The following PRKG2 variants were observed in gnomAD, a reference collection of about 807,000 sequenced individuals.
The protein encoded by PRKG2 is protein kinase cGMP-dependent 2, also known as cGMP-dependent protein kinase 2.
Under a neutral mutation model 97.2 loss-of-function variants are expected in PRKG2, and 33 were observed. The ratio of observed to expected loss-of-function variants is 0.34; its 90% CI spans 0.26 to 0.45. The LOEUF (loss-of-function observed/expected upper bound fraction) is 0.45, where lower values mean the gene tolerates loss of function less well. Ranked by LOEUF, PRKG2 falls within the 20% of genes least tolerant of loss-of-function variation. PRKG2 has a pLI of 1.00. For synonymous variants in PRKG2, 330 were observed against 321.8 expected (o/e 1.03, Z -0.27); for missense variants, 638 against 900.0 (o/e 0.71, Z 3.73).
At chr4:81,162,885 C>A (rs1749686736) in intron 6 of PRKG2, among the ~76,000 whole-genome samples, 1 of 152,158 alleles carries the variant, frequency 6.6e-6, no homozygotes, top group Non-Finnish European at 1.5e-5. Context: ...CAATTTCAGT[C>A]CTCATTACCC....
intron 13 of PRKG2, 48 bp downstream of exon 13, chr4:81,137,345 T>C (rs763004521): frequency 2.3e-6 from 3 of 1,323,848 alleles, no homozygotes; most frequent in Admixed American, 1.9e-5. Flanking sequence ...TTAATGATTA[T>C]AAATATAGCC....
At chr4:81,143,910 T>C (rs1747547307) in intron 10 of PRKG2, among the ~76,000 whole-genome samples, 2 of 152,208 alleles carry the variant, frequency 1.3e-5, no homozygotes, top group Non-Finnish European at 2.9e-5. Flanking sequence ...TCTTTACCTC[T>C]AATCAAATAT....
At chr4:81,139,074 A>G (rs192183400) in intron 12 of PRKG2, among the ~76,000 whole-genome samples, 217 of 152,334 alleles carry the variant, frequency 1.4e-3, no homozygotes, top group Non-Finnish European at 1.8e-3. Flanking sequence ...ATATGAAAGC[A>G]TAAGATGGCT....
intron 17 of PRKG2, among the ~76,000 whole-genome samples, chr4:81,097,419 C>A (rs11937665): frequency 6.6e-6 from 1 of 151,998 alleles, no homozygotes; most frequent in Non-Finnish European, 1.5e-5. Flanking sequence ...TATAAAGCAC[C>A]GGCAGAGTAG....
intron 14 of PRKG2, among the ~76,000 whole-genome samples, chr4:81,134,287 G>T (rs537039355): frequency 6.6e-6 from 1 of 152,062 alleles, no homozygotes; most frequent in Non-Finnish European, 1.5e-5. Context: ...AATTGTAAAA[G>T]GTTTAGCATA....
intron 14 of PRKG2, among the ~76,000 whole-genome samples, chr4:81,129,961 G>A (rs1356096670): frequency 6.6e-6 from 1 of 152,152 alleles, no homozygotes; most frequent in Non-Finnish European, 1.5e-5. Context: ...TTTTTGCAGT[G>A]GCTGGTACCA....
intron 14 of PRKG2, among the ~76,000 whole-genome samples, chr4:81,131,050 G>C (rs192344607): frequency 5.8e-4 from 88 of 152,324 alleles, no homozygotes; most frequent in Non-Finnish European, 3.1e-4. Context: ...AACTTCTGCA[G>C]CTAGCTCAGT....
At chr4:81,216,699 T>C (rs920346647), upstream of PRKG2, among the ~76,000 whole-genome samples, 1 of 152,008 alleles carries the variant, frequency 6.6e-6, no homozygotes, top group African/African-American at 2.4e-5. Flanking sequence ...CTCCCACCTA[T>C]TGGAGTCCCC....
At chr4:81,214,140 T>C (rs1342967697) in intron 1 of PRKG2, among the ~76,000 whole-genome samples, 3 of 138,488 alleles carry the variant, frequency 2.2e-5, no homozygotes, top group Non-Finnish European at 4.6e-5. Flanking sequence ...CAGGTGTATG[T>C]TGCTCTCTTC....
upstream of PRKG2, among the ~76,000 whole-genome samples, chr4:81,217,724 GA>G (rs528796209): frequency 2.6e-5 from 4 of 152,116 alleles, no homozygotes; most frequent in East Asian, 5.8e-4. Context: ...GAAAATGAGA[GA>G]AAAAAATATG....
rs1743074931 is a variant in PRKG2 at position 81,104,004 on chromosome 4, C to T, written c.2126+366G>A. Among the ~76,000 whole-genome samples, 4 of 152,090 alleles carry T rather than the reference C, an allele frequency of 2.6e-5. No homozygotes were observed. The South Asian group carries it at 8.3e-4, about 32-fold the overall frequency. ...CAAGATCGTGGCATTGCACTCCAGC[C>T]TGGGCAACAGGGTGAGACTCTGTCA... On this transcript the variant is annotated intron_variant, in intron 17 of 18. Transcript: ENST00000264399.
intron 12 of PRKG2, among the ~76,000 whole-genome samples, chr4:81,137,729 A>G (rs1336597297): frequency 6.6e-6 from 1 of 152,140 alleles, no homozygotes; most frequent in Non-Finnish European, 1.5e-5. Flanking sequence ...TCTCAGTTTT[A>G]CCGTAAAAAT....
At position 81,104,408 on chromosome 4, in the gene PRKG2, T is replaced by C; in HGVS notation, c.2088A>G (p.Gly696=). Residue 696 remains glycine, a synonymous_variant, in exon 17 of 19, where the codon GGA becomes GGG. Transcript: ENST00000264399. The part of the protein sequence containing the change: ...LCRQNPTERL[G]NLKNGINDIK... ...TGTCATTTATTCCATTCTTCAGATT[T>C]CCCAGCCTTTCTGTTGGATTTTGCC... 6.8e-7 allele frequency: 1 copy of C among 1,470,166 alleles called. No homozygotes were observed. Among genetic ancestry groups the C allele is most frequent in the Non-Finnish European group, 9.0e-7 (1 of 1,106,484 alleles). 91.1% of individuals were successfully genotyped at this position (1,470,166 alleles called of 1,614,324 possible).
intron 14 of PRKG2, among the ~76,000 whole-genome samples, chr4:81,132,484 T>G (rs541087891): frequency 1.4e-4 from 22 of 152,196 alleles, no homozygotes; most frequent in Non-Finnish European, 2.1e-4. Flanking sequence ...AAATGCTCAC[T>G]ACCTTACCAT....
At chr4:81,184,703 G>A (rs557341970) in intron 2 of PRKG2, among the ~76,000 whole-genome samples, 6 of 152,162 alleles carry the variant, frequency 3.9e-5, no homozygotes, top group Non-Finnish European at 7.3e-5. Flanking sequence ...TGAGATAAGG[G>A]AGCATGTTCT....
At position 81,199,042 on chromosome 4, in the gene PRKG2, C is replaced by A. The variant is rs550753324; in HGVS notation, c.461+5545G>T. Among the ~76,000 whole-genome samples the A allele has an allele frequency of 9.9e-5, 15 of 152,176 alleles. No homozygotes were observed. In the South Asian group the frequency reaches 2.3e-3, roughly 23 times the overall value. ...GCTTCAATTTTTGCTTTTCTAAAGA[C>A]CCGGGTTAAGACAATAGTATTTATG... On this transcript the variant is annotated intron_variant, in intron 2 of 18. Transcript: ENST00000264399.
chr4:81,181,730 T>C (rs538928504), intron 2 of PRKG2, among the ~76,000 whole-genome samples: 1 of 152,048 alleles, frequency 6.6e-6, no homozygotes, highest in Middle Eastern at 3.4e-3. Context: ...AAATGAGTAG[T>C]ATGAACAACT....
chr4:81,093,360 A>AAC (rs60004845), intron 17 of PRKG2, among the ~76,000 whole-genome samples: 17,014 of 116,184 alleles, frequency 0.15, 1,226 homozygotes, highest in East Asian at 0.31. Flanking sequence ...CTCCCCCACC[A>AAC]ACACACACAC....
chr4:81,137,025 T>G (rs551877228), intron 13 of PRKG2, among the ~76,000 whole-genome samples: 13 of 152,238 alleles, frequency 8.5e-5, no homozygotes, highest in East Asian at 5.8e-4. Flanking sequence ...TGCTCTGCTT[T>G]TCAGTGAGGG....
Sources: allele counts gnomAD v4.1 joint callset (sites outside exome capture counted in the v4.1 genomes callset), GRCh38; gene constraint gnomAD v4.1.1; transcripts MANE v1.5; gene names NCBI Gene and HGNC (gene_info 2026-07-23, HGNC 2026-07-21).